STRN: variants seen among roughly 807,000 people sequenced by gnomAD.
The protein encoded by STRN is striatin.
STRN carries 53 observed loss-of-function variants against 96.3 expected under a neutral mutation model. The ratio of observed to expected loss-of-function variants is 0.55; its 90% confidence interval spans 0.44 to 0.69. The LOEUF (loss-of-function observed/expected upper bound fraction) is 0.69, where lower values mean the gene tolerates loss of function less well. Among genes scored for constraint, STRN ranks in the 30% least tolerant of loss-of-function variants. The probability of loss-of-function intolerance (pLI) is 0.00; values close to 1 mark genes in which losing one functional copy is unlikely to be tolerated. For missense variants in STRN, 987 were observed against 963.9 expected (o/e 1.02, Z -0.32); for synonymous variants, 428 against 355.9 (o/e 1.20, Z -2.28).
intron 1 of STRN, among the ~76,000 whole-genome samples, chr2:36,954,540 G>A: frequency 6.7e-6 from 1 of 148,680 alleles, no homozygotes; most frequent in African/African-American, 2.5e-5. Context: ...AAAAAAAAGA[G>A]CTCCAAATTT....
intron 15 of STRN, among the ~76,000 whole-genome samples, chr2:36,852,904 C>CG (rs1271965179): frequency 6.6e-6 from 1 of 152,144 alleles, no homozygotes; most frequent in Admixed American, 6.5e-5. Context: ...CACCTGTAAT[C>CG]GCAGCACTTT....
At chr2:36,952,449 G>GAAA (rs10557458) in intron 1 of STRN, among the ~76,000 whole-genome samples, 2 of 76,904 alleles carry the variant, frequency 2.6e-5, no homozygotes, top group East Asian at 8.4e-4. Flanking sequence ...AAGCACGAGA[G>GAAA]AAAAAAAAAA....
At chr2:36,850,114 T>A (rs1355526730) in intron 16 of STRN, among the ~76,000 whole-genome samples, 2 of 152,196 alleles carry the variant, frequency 1.3e-5, no homozygotes, top group African/African-American at 4.8e-5. Flanking sequence ...ATCACCTACT[T>A]TGCATTCTTT....
intron 1 of STRN, among the ~76,000 whole-genome samples, chr2:36,934,518 C>T (rs1203148247): frequency 4.6e-5 from 7 of 152,136 alleles, no homozygotes; most frequent in Non-Finnish European, 7.4e-5. Context: ...TTATGGTTAG[C>T]TCCAAAAGAG....
At chr2:36,888,639 A>G (rs541868246) in intron 7 of STRN, among the ~76,000 whole-genome samples, 1,639 of 145,232 alleles carry the variant, frequency 0.011, 11 homozygotes, top group Non-Finnish European at 0.015. Flanking sequence ...TTTAATTTAT[A>G]TGTGTGTGTG....
Position 36,940,401 on chromosome 2 carries a change from CAG to C in STRN, c.235-15195_235-15194del, listed in dbSNP as rs144134014. 5.0e-3 allele frequency among the ~76,000 whole-genome samples: 755 copies of C among 152,204 alleles called. 5 individuals are homozygous for C. Among genetic ancestry groups the C allele is most frequent in the African/African-American group, 0.017 (702 of 41,516 alleles). ...AGCTGAATCATCACACGGAAAACTGCAGAGTCTAATTAGTAATAAAAAATACA... is the reference window on the plus strand; with the variant it reads ...AGCTGAATCATCACACGGAAAACTGCAGTCTAATTAGTAATAAAAAATACA... On this transcript the variant is annotated intron_variant, in intron 1 of 17. Transcript: ENST00000263918.
intron 1 of STRN, among the ~76,000 whole-genome samples, chr2:36,951,417 C>G (rs1664749647): frequency 6.6e-6 from 1 of 152,214 alleles, no homozygotes; most frequent in Non-Finnish European, 1.5e-5. Flanking sequence ...CACTAAAAAG[C>G]TCTTTCCAGT....
rs1558645587 is a variant in STRN, at chr2:36,902,749, T to C, written c.494A>G (p.Tyr165Cys). The C allele has an allele frequency of 6.2e-7, 1 of 1,601,194 alleles. No individual in the cohort carries two copies. Among genetic ancestry groups the C allele is most frequent in the Non-Finnish European group, 8.5e-7 (1 of 1,172,564 alleles). The change falls in exon 5 of 18, where the codon TAT (tyrosine) becomes TGT (cysteine). Residue 165 changes from tyrosine to cysteine, a missense_variant and splice_region_variant. Physicochemically the swap from Tyr to Cys is radical, Grantham distance 194. Coordinates refer to ENST00000263918, the MANE Select transcript of STRN (RefSeq NM_003162.4). The stretch of plus-strand genomic sequence containing the variant: ...ATCTGTATAACCCACCTCCTGTAGA[T>C]ACCTGTGTGAAGAGAATCCTTAGAG... ...WKQGRQLLRQ[Y>C]LQEVGYTDTI...
intron 1 of STRN, among the ~76,000 whole-genome samples, chr2:36,963,529 G>A (rs1384853193): frequency 6.6e-6 from 1 of 152,016 alleles, no homozygotes; most frequent in African/African-American, 2.4e-5. Flanking sequence ...AATAAGGGGG[G>A]ACAAAGACCA....
At chr2:36,963,910 A>G (rs967346103) in intron 1 of STRN, among the ~76,000 whole-genome samples, 5 of 151,500 alleles carry the variant, frequency 3.3e-5, no homozygotes, top group Non-Finnish European at 5.9e-5. Context: ...GATTGCTTAA[A>G]CCTGGGAGGC....
At chr2:36,966,186 G>C (rs1289216164) in intron 1 of STRN, 44 bp downstream of exon 1, 1 of 1,490,456 alleles carries the variant, frequency 6.7e-7, no homozygotes, top group Non-Finnish European at 8.9e-7. Flanking sequence ...GCGGAAGGGA[G>C]CAAAGAGGCG....
chr2:36,928,645 C>G (rs1310500748), intron 1 of STRN, among the ~76,000 whole-genome samples: 2 of 138,126 alleles, frequency 1.4e-5, no homozygotes, highest in African/African-American at 2.8e-5. Context: ...CAGTGAGACT[C>G]CATCTTAAAA....
chr2:36,941,498 C>T (rs1159239406), intron 1 of STRN, among the ~76,000 whole-genome samples: 1 of 151,810 alleles, frequency 6.6e-6, no homozygotes, highest in African/African-American at 2.4e-5. Context: ...CAATGCATTT[C>T]TCAAGATGAA....
intron 9 of STRN, among the ~76,000 whole-genome samples, chr2:36,880,205 C>A (rs186439414): frequency 2.0e-5 from 3 of 152,250 alleles, no homozygotes; most frequent in South Asian, 4.1e-4. Context: ...TGACCTCAAG[C>A]GATCTCCCTG....
intron 13 of STRN, 99 bp downstream of exon 13, chr2:36,861,033 T>G: frequency 7.0e-7 from 1 of 1,425,682 alleles, no homozygotes; most frequent in Non-Finnish European, 9.4e-7. Flanking sequence ...TTTACCTATT[T>G]ATTTTCAAAA....
At position 36,844,147 on chromosome 2, in the gene STRN, A is replaced by G. The variant is rs557451838; in HGVS notation, c.*5309T>C. ...TAAAAAGAAGTGGTTCCTCCTAAAA[A>G]AGGTATTAGATCATAGAGTTGGGAT... On this transcript the variant is annotated 3_prime_UTR_variant, in exon 18 of 18. Coordinates refer to ENST00000263918, the MANE Select transcript of STRN (RefSeq NM_003162.4). 1 of 152,112 alleles carries G rather than the reference A, an allele frequency of 6.6e-6. No homozygotes were observed. Among genetic ancestry groups the G allele is most frequent in the African/African-American group, 2.4e-5 (1 of 41,418 alleles). 9.4% of individuals were successfully genotyped at this position (152,112 alleles called of 1,614,324 possible). A position where few individuals can be genotyped will look rare whatever the true frequency, so the allele number is the denominator to read the frequency against.
intron 12 of STRN, among the ~76,000 whole-genome samples, chr2:36,864,632 C>G (rs1392225089): frequency 6.6e-6 from 1 of 152,210 alleles, no homozygotes; most frequent in African/African-American, 2.4e-5. Flanking sequence ...TGTTGTATCT[C>G]TGCCAGGTTT....
chr2:36,957,960 C>T (rs1389762430), intron 1 of STRN, among the ~76,000 whole-genome samples: 1 of 145,822 alleles, frequency 6.9e-6, no homozygotes, highest in African/African-American at 2.6e-5. Flanking sequence ...CACTCTGTTG[C>T]CCAGGCTGGA....
intron 1 of STRN, among the ~76,000 whole-genome samples, chr2:36,943,589 G>A (rs1038574998): frequency 2.0e-5 from 3 of 151,914 alleles, no homozygotes; most frequent in African/African-American, 7.3e-5. Context: ...AGAATCACGA[G>A]GTCAGGAGAT....
Sources: allele counts gnomAD v4.1 joint callset (sites outside exome capture counted in the v4.1 genomes callset), GRCh38; gene constraint gnomAD v4.1.1; transcripts MANE v1.5; gene names NCBI Gene and HGNC (gene_info 2026-07-23, HGNC 2026-07-21).